WDR55: variants seen among roughly 807,000 people sequenced by gnomAD.
WDR55 encodes the protein WD repeat-containing protein 55.
In WDR55, 31 loss-of-function variants were observed where a neutral mutation model predicts 34.0. The observed-to-expected ratio is 0.91, with a 90% CI of 0.69 to 1.23. WDR55 has a LOEUF of 1.23. WDR55 is among the 50% of genes most tolerant of loss of function. The pLI, the probability that WDR55 is intolerant of heterozygous loss-of-function variation, is 0.00. For synonymous variants in WDR55, 164 were observed against 185.9 expected (o/e 0.88, Z 0.96); for missense variants, 440 against 494.6 (o/e 0.89, Z 1.05).
chr5:140,671,546 C>G lies in WDR55; in HGVS notation c.*1892C>G. The G allele has an allele frequency of 1.3e-6, 2 of 1,568,806 alleles. No individual in the cohort carries two copies. The highest frequency in any genetic ancestry group is 8.6e-7 in the Non-Finnish European group (1 of 1,158,440). On this transcript the variant is annotated 3_prime_UTR_variant, in exon 7 of 7. Transcript: ENST00000358337. ...CAAACACTTGGTGAGGAACACAGGG[C>G]TGCCCAGCTTCATTCGTTGGCACAG...
rs2149815251 is a variant in WDR55 at position 140,671,882 on chromosome 5, G to T, written c.*2228G>T. On this transcript the variant is annotated 3_prime_UTR_variant, in exon 7 of 7. Coordinates refer to ENST00000358337, the MANE Select transcript of WDR55 (RefSeq NM_017706.5). ...TTCCTGGTAGTGTGACCATGGGTAA[G>T]AAAAGACAATGAAGCCTTCAGCCTC... The T allele has an allele frequency of 1.9e-6, 2 of 1,030,520 alleles. No individual in the cohort carries two copies. Among genetic ancestry groups the T allele is most frequent in the South Asian group, 1.4e-5 (1 of 72,178 alleles). 63.8% of individuals were successfully genotyped at this position (1,030,520 alleles called of 1,614,324 possible).
rs755415892 is a variant in WDR55 at position 140,668,933 on chromosome 5, G to A, written c.603G>A (p.Arg201=). ...CLGIFNIKRR[R]FELLSEPQSG... ...GCATCTTCAACATTAAGAGGCGTCGGTTTGAGCTGCTCTCAGAACCTCAGT... is the reference window on the plus strand; with the variant it reads ...GCATCTTCAACATTAAGAGGCGTCGATTTGAGCTGCTCTCAGAACCTCAGT... Residue 201 remains arginine, a synonymous_variant, in exon 5 of 7, where the codon CGG becomes CGA. Coordinates refer to ENST00000358337, the MANE Select transcript of WDR55 (RefSeq NM_017706.5). 102 of 1,614,102 alleles carry A rather than the reference G, an allele frequency of 6.3e-5. No individual in the cohort carries two copies. Among genetic ancestry groups the A allele is most frequent in the Non-Finnish European group, 7.8e-5 (92 of 1,180,054 alleles).
At chr5:140,666,711 C>T (rs1002633256) in intron 1 of WDR55, 1 of 985,314 alleles carries the variant, frequency 1.0e-6, no homozygotes, top group South Asian at 4.7e-5. Context: ...ATATGATGCT[C>T]TGTGATACAA....
intron 1 of WDR55, among the ~76,000 whole-genome samples, chr5:140,665,523 A>G (rs377190126): frequency 6.6e-6 from 1 of 151,928 alleles, no homozygotes; most frequent in East Asian, 2.0e-4. Context: ...ACGCCCGGCT[A>G]ATTTTTTTTG....
intron 1 of WDR55, among the ~76,000 whole-genome samples, chr5:140,665,514 C>T (rs1249810299): frequency 6.6e-6 from 1 of 152,030 alleles, no homozygotes; most frequent in Non-Finnish European, 1.5e-5. Context: ...CCCGCCACCA[C>T]GCCCGGCTAA....
chr5:140,666,754 A>G, intron 1 of WDR55: 1 of 985,420 alleles, frequency 1.0e-6, no homozygotes. Flanking sequence ...GTGTACATGT[A>G]CACAAAATGC....
At chr5:140,665,928 G>T (rs1400337160) in intron 1 of WDR55, among the ~76,000 whole-genome samples, 1 of 151,722 alleles carries the variant, frequency 6.6e-6, no homozygotes, top group East Asian at 2.0e-4. Context: ...TTGGATTCGG[G>T]CGGTGGAGGT....
rs1441325483 is a variant in WDR55, at chr5:140,669,002, T to A, written c.660+12T>A. On this transcript the variant is annotated intron_variant, in intron 5 of 6. Transcript: ENST00000358337. ...TCACTCTCATGAAAGTACAGCTGGT[T>A]ATGGTGGGATGGAGGGGTGTGTGCT... 1 of 1,614,094 alleles carries A rather than the reference T, an allele frequency of 6.2e-7. No individual in the cohort carries two copies. Among genetic ancestry groups the A allele is most frequent in the Admixed American group, 1.7e-5 (1 of 60,016 alleles).
At position 140,671,561 on chromosome 5, in the gene WDR55, C is replaced by T. The variant is rs773644539; in HGVS notation, c.*1907C>T. ...GAACACAGGGCTGCCCAGCTTCATT[C>T]GTTGGCACAGCAACTGCAGGGTAGC... On this transcript the variant is annotated 3_prime_UTR_variant, in exon 7 of 7. Transcript: ENST00000358337. 7 of 1,567,268 alleles carry T rather than the reference C, an allele frequency of 4.5e-6. No homozygotes were observed. In the South Asian group the frequency reaches 4.6e-5, roughly 10 times the overall value.
intron 1 of WDR55, 42 bp downstream of exon 1, chr5:140,665,145 C>G: frequency 6.5e-7 from 1 of 1,528,104 alleles, no homozygotes. Context: ...CTGGAAGCTT[C>G]CCGGGGGTGG....
chr5:140,670,058 C>T lies in WDR55; in HGVS notation c.*404C>T, dbSNP rs1349584349. On this transcript the variant is annotated 3_prime_UTR_variant, in exon 7 of 7. Transcript: ENST00000358337. ...AAATTTATATTTTTTGAGACAAGGT[C>T]TCACTCTGTCACCCAGGCTGGAGTA... 5.4e-6 allele frequency: 1 copy of T among 184,950 alleles called. No individual in the cohort carries two copies. The highest frequency in any genetic ancestry group is 1.1e-5 in the Non-Finnish European group (1 of 88,052). The allele number at this position is 184,950 out of a possible 1,614,324, so 11.5% of individuals were successfully genotyped here. A position where few individuals can be genotyped will look rare whatever the true frequency, so the allele number is the denominator to read the frequency against.
Position 140,670,078 on chromosome 5 carries a change from G to T in WDR55, c.*424G>T. Reference sequence around the variant, plus strand: ...AAGGTCTCACTCTGTCACCCAGGCTGGAGTACAGTGGGTTGATCATGGCTC... The same window carrying T: ...AAGGTCTCACTCTGTCACCCAGGCTTGAGTACAGTGGGTTGATCATGGCTC... On this transcript the variant is annotated 3_prime_UTR_variant, in exon 7 of 7. Coordinates refer to ENST00000358337, the MANE Select transcript of WDR55 (RefSeq NM_017706.5). The T allele has an allele frequency of 5.6e-6, 1 of 178,200 alleles. No homozygotes were observed. Among genetic ancestry groups the T allele is most frequent in the Non-Finnish European group, 1.2e-5 (1 of 83,616 alleles). 11.0% of individuals were successfully genotyped at this position (178,200 alleles called of 1,614,324 possible).
Position 140,670,793 on chromosome 5 carries a change from G to C in WDR55, c.*1139G>C, listed in dbSNP as rs1474144745. 9.0e-6 allele frequency: 2 copies of C among 222,580 alleles called. No homozygotes were observed. Among genetic ancestry groups the C allele is most frequent in the African/African-American group, 2.3e-5 (1 of 43,858 alleles). 13.8% of individuals were successfully genotyped at this position (222,580 alleles called of 1,614,324 possible). On this transcript the variant is annotated 3_prime_UTR_variant, in exon 7 of 7. Coordinates refer to ENST00000358337, the MANE Select transcript of WDR55 (RefSeq NM_017706.5). ...CTAGGGCAAGACAGCACAGACACAA[G>C]TATATACTAACCAGGGGTTTAATAT...
In WDR55 at chr5:140,669,901, G is replaced by GTT. The variant is rs34069692; in HGVS notation, c.*258_*259dup. 2.7e-3 allele frequency: 855 copies of GTT among 313,388 alleles called. No homozygotes were observed. The highest frequency in any genetic ancestry group is 4.4e-3 in the East Asian group (73 of 16,740). 19.4% of individuals were successfully genotyped at this position (313,388 alleles called of 1,614,324 possible). A position where few individuals can be genotyped will look rare whatever the true frequency, so the allele number is the denominator to read the frequency against. On this transcript the variant is annotated 3_prime_UTR_variant, in exon 7 of 7. Coordinates refer to ENST00000358337, the MANE Select transcript of WDR55 (RefSeq NM_017706.5). The stretch of plus-strand genomic sequence containing the variant: ...GCACTACCACACCAGGCCAATTTTT[G>GTT]TTTTTTTTTTTTGGTAGAAACGGGT...
At position 140,671,414 on chromosome 5, in the gene WDR55, C is replaced by T. The variant is rs1459665994; in HGVS notation, c.*1760C>T. Reference sequence around the variant, plus strand: ...ATCCTTGGCCACCTCATGCCCATCCCGGCCATCTAGGGTCAGCACAACCCA... The same window carrying T: ...ATCCTTGGCCACCTCATGCCCATCCTGGCCATCTAGGGTCAGCACAACCCA... On this transcript the variant is annotated 3_prime_UTR_variant, in exon 7 of 7. Transcript: ENST00000358337. 11 of 1,612,274 alleles carry T rather than the reference C, an allele frequency of 6.8e-6. No individual in the cohort carries two copies. Among genetic ancestry groups the T allele is most frequent in the East Asian group, 2.2e-5 (1 of 44,888 alleles).
chr5:140,668,040 T>G, intron 1 of WDR55, 194 bp from the exon 2 acceptor site: 1 of 561,340 alleles, frequency 1.8e-6, no homozygotes, highest in Non-Finnish European at 3.0e-6. Context: ...AACTAACATA[T>G]ATTGAAAAAA....
rs1488693831 is a variant in WDR55 at position 140,671,993 on chromosome 5, C to T, written c.*2339C>T. On this transcript the variant is annotated 3_prime_UTR_variant, in exon 7 of 7. Transcript: ENST00000358337. Reference sequence around the variant, plus strand: ...GGTTAATTGCAGGCTTTGTCTGCCTCATAACCATCATAATGGCTAATCTTT... The same window carrying T: ...GGTTAATTGCAGGCTTTGTCTGCCTTATAACCATCATAATGGCTAATCTTT... 5 of 599,464 alleles carry T rather than the reference C, an allele frequency of 8.3e-6. No individual in the cohort carries two copies. The highest frequency in any genetic ancestry group is 1.5e-5 in the Non-Finnish European group (5 of 338,796). The allele number at this position is 599,464 out of a possible 1,614,324, so 37.1% of individuals were successfully genotyped here.
Position 140,669,326 on chromosome 5 carries a change from T to C in WDR55, c.831-7T>C. 4 of 1,609,940 alleles carry C rather than the reference T, an allele frequency of 2.5e-6. No individual in the cohort carries two copies. The highest frequency in any genetic ancestry group is 1.1e-5 in the South Asian group (1 of 90,984). ...CCAGTACTCAACACTGTTCTTTCCC[T>C]GCCCAGGGCTGTGAACATCCTACCG... is the stretch of plus-strand genomic sequence containing the variant. On this transcript the variant is annotated splice_region_variant and splice_polypyrimidine_tract_variant and intron_variant, in intron 6 of 6. Transcript: ENST00000358337.
chr5:140,667,181 C>T, intron 1 of WDR55: 1 of 975,968 alleles, frequency 1.0e-6, no homozygotes, highest in Non-Finnish European at 1.2e-6. Flanking sequence ...TAGACATCCA[C>T]CTTTCTTCAC....
Sources: gnomAD v4.1 joint callset for allele counts (sites outside exome capture counted in the v4.1 genomes callset) on GRCh38, gnomAD v4.1.1 for gene constraint, MANE v1.5 for transcripts, NCBI Gene and HGNC (gene_info 2026-07-23, HGNC 2026-07-21) for gene names.